GBF1: variants seen among roughly 807,000 people sequenced by gnomAD.
The protein encoded by GBF1 is golgi brefeldin A resistant guanine nucleotide exchange factor 1, also known as Golgi-specific brefeldin A-resistance guanine nucleotide exchange factor 1.
A neutral mutation model predicts 210.5 loss-of-function variants in GBF1; 114 were observed. The ratio of observed to expected loss-of-function variants is 0.54; its 90% CI spans 0.47 to 0.63. The LOEUF (loss-of-function observed/expected upper bound fraction) is 0.63. Among genes scored for constraint, GBF1 ranks in the 30% least tolerant of loss-of-function variants. The pLI, the probability that GBF1 is intolerant of heterozygous loss-of-function variation, is 0.00. For synonymous variants in GBF1, 850 were observed against 889.2 expected (o/e 0.96, Z 0.78); for missense variants, 1,851 against 2,357.7 (o/e 0.79, Z 4.45).
chr10:102,381,935 G>A, intron 39 of GBF1, 121 bp from the exon 40 acceptor site: 1 of 719,364 alleles, frequency 1.4e-6, no homozygotes, highest in Non-Finnish European at 2.2e-6. Flanking sequence ...GCTGGTGGGG[G>A]GCCGTGTTGC....
intron 3 of GBF1, among the ~76,000 whole-genome samples, chr10:102,300,303 G>A (rs11191252): frequency 1.7e-4 from 26 of 152,092 alleles, no homozygotes; most frequent in African/African-American, 6.3e-4. Context: ...TAGCTGTTCT[G>A]TATAACAGCT....
chr10:102,293,390 C>G (rs901934685), intron 3 of GBF1, among the ~76,000 whole-genome samples: 1 of 136,272 alleles, frequency 7.3e-6, no homozygotes, highest in South Asian at 2.7e-4. Flanking sequence ...AATAAATGAC[C>G]ATTACTAGTT....
chr10:102,244,867 T>C (rs2070682021), upstream of GBF1, among the ~76,000 whole-genome samples: 1 of 152,098 alleles, frequency 6.6e-6, no homozygotes, highest in African/African-American at 2.4e-5. Context: ...AGACTTAAAT[T>C]AGATATCCAG....
At chr10:102,349,305 G>A (rs979289366) in intron 4 of GBF1, among the ~76,000 whole-genome samples, 1 of 152,188 alleles carries the variant, frequency 6.6e-6, no homozygotes, top group African/African-American at 2.4e-5. Context: ...GGCCAAGGTG[G>A]GTGAATCACC....
At chr10:102,379,493 AG>A in intron 34 of GBF1, 27 bp from the exon 35 acceptor site, 1 of 1,614,080 alleles carries the variant, frequency 6.2e-7, no homozygotes, top group Non-Finnish European at 8.5e-7. Flanking sequence ...AGATGCCTGA[AG>A]GATCCTGACC....
intron 3 of GBF1, among the ~76,000 whole-genome samples, chr10:102,272,943 CT>C (rs1358657369): frequency 6.6e-6 from 1 of 152,224 alleles, no homozygotes; most frequent in Non-Finnish European, 1.5e-5. Context: ...TGTGCGTCCC[CT>C]TCAGACTGGT....
chr10:102,304,780 A>AAAAG (rs572591453), intron 3 of GBF1, among the ~76,000 whole-genome samples: 9 of 151,990 alleles, frequency 5.9e-5, no homozygotes, highest in Non-Finnish European at 8.8e-5. Context: ...TCTCAAAAAA[A>AAAAG]AAAGAAAGAA....
At chr10:102,297,264 G>A (rs965990051) in intron 3 of GBF1, among the ~76,000 whole-genome samples, 3 of 152,154 alleles carry the variant, frequency 2.0e-5, no homozygotes, top group African/African-American at 7.2e-5. Flanking sequence ...AAGCAGCATA[G>A]ATGTACAGAC....
chr10:102,231,045 G>T, the GBF1 span: 26 of 1,583,394 alleles, frequency 1.6e-5, no homozygotes, highest in Non-Finnish European at 2.2e-5. Flanking sequence ...TGCATAGCTC[G>T]GCCTGCTGGC....
intron 1 of GBF1, among the ~76,000 whole-genome samples, chr10:102,246,100 A>G (rs905118134): frequency 4.6e-5 from 7 of 152,224 alleles, no homozygotes; most frequent in African/African-American, 9.6e-5. Context: ...TGAAGAGCCC[A>G]GTACTCAAAA....
intron 3 of GBF1, among the ~76,000 whole-genome samples, chr10:102,323,214 C>T (rs538272912): frequency 8.6e-6 from 1 of 116,334 alleles, no homozygotes; most frequent in South Asian, 2.8e-4. Flanking sequence ...AGACTGTGTA[C>T]ATGGCAGTTT....
chr10:102,248,375 T>A (rs2071093227), intron 1 of GBF1, among the ~76,000 whole-genome samples: 1 of 151,908 alleles, frequency 6.6e-6, no homozygotes, highest in African/African-American at 2.4e-5. Flanking sequence ...CCAATAATAA[T>A]AGAAGTGATC....
intron 3 of GBF1, among the ~76,000 whole-genome samples, chr10:102,316,582 A>G (rs189133200): frequency 2.6e-5 from 4 of 152,370 alleles, no homozygotes; most frequent in African/African-American, 9.6e-5. Flanking sequence ...TCACAGATAT[A>G]AAACTGTGCC....
At chr10:102,240,810 C>T (rs1004212468), upstream of GBF1, among the ~76,000 whole-genome samples, 1 of 152,258 alleles carries the variant, frequency 6.6e-6, no homozygotes, top group Admixed American at 6.5e-5. Flanking sequence ...GCTCTCACAA[C>T]ACAGCTCCTA....
intron 19 of GBF1, 55 bp from the exon 20 acceptor site, chr10:102,367,030 G>C: frequency 6.2e-7 from 1 of 1,603,094 alleles, no homozygotes; most frequent in Non-Finnish European, 8.5e-7. Flanking sequence ...TTGGTAGTGA[G>C]GGTTTAATTG....
intron 3 of GBF1, among the ~76,000 whole-genome samples, chr10:102,315,777 A>C (rs1038233872): frequency 2.6e-5 from 4 of 152,140 alleles, no homozygotes; most frequent in African/African-American, 7.2e-5. Flanking sequence ...GTAGTGGTCC[A>C]TGGCCTTGGG....
upstream of GBF1, among the ~76,000 whole-genome samples, chr10:102,243,853 G>A (rs2070617913): frequency 6.6e-6 from 1 of 152,160 alleles, no homozygotes; most frequent in South Asian, 2.1e-4. Context: ...ATCGTGGCCA[G>A]GTGTGGTGGC....
At chr10:102,242,928 C>CAA (rs58301527), upstream of GBF1, among the ~76,000 whole-genome samples, 139 of 132,376 alleles carry the variant, frequency 1.1e-3, 2 homozygotes, top group East Asian at 5.5e-3. Flanking sequence ...GACTCTGTCT[C>CAA]AAAAAAAAAA....
At position 102,382,120 on chromosome 10, in the gene GBF1, A is replaced by G; in HGVS notation, c.5367A>G (p.Ser1789=). 1 of 1,605,014 alleles carries G rather than the reference A, an allele frequency of 6.2e-7. No homozygotes were observed. ...GCTCCCCAGGATCACCAGTGGCCTCAAGCCCCAGCAGGCTGAGCCCCACCC... is the reference window on the plus strand; with the variant it reads ...GCTCCCCAGGATCACCAGTGGCCTCGAGCCCCAGCAGGCTGAGCCCCACCC... ...SSSSPGSPVA[S]SPSRLSPTPD... is the part of the protein sequence containing the mutation. The change falls in exon 40 of 40, where the codon TCA becomes TCG. Residue 1789 remains serine, a synonymous_variant. Transcript: ENST00000369983.
Sources: allele counts gnomAD v4.1 joint callset (sites outside exome capture counted in the v4.1 genomes callset), GRCh38; gene constraint gnomAD v4.1.1; transcripts MANE v1.5; gene names NCBI Gene and HGNC (gene_info 2026-07-23, HGNC 2026-07-21).